Variants in LGR4 observed in about 807,000 individuals in gnomAD.
LGR4 encodes leucine-rich repeat-containing G protein-coupled receptor 4.
In LGR4, 44 loss-of-function variants were observed where a neutral mutation model predicts 84.8. The observed-to-expected ratio is 0.52, with a 90% CI of 0.41 to 0.67. The LOEUF (loss-of-function observed/expected upper bound fraction) is 0.67, where lower values mean the gene tolerates loss of function less well. Ranked by LOEUF, LGR4 falls within the 30% of genes least tolerant of loss-of-function variation. LGR4 has a pLI of 0.00. For synonymous variants in LGR4, 429 were observed against 434.3 expected, an observed-to-expected ratio of 0.99 and a Z score of 0.15; for missense variants, 1,032 against 1,131.4, an observed-to-expected ratio of 0.91 and a Z score of 1.26.
At chr11:27,463,119 G>T (rs947999601) in intron 1 of LGR4, among the ~76,000 whole-genome samples, 1 of 150,720 alleles carries the variant, frequency 6.6e-6, no homozygotes, top group South Asian at 2.1e-4. Context: ...AGGCATGGTG[G>T]CACTCACCTG....
At chr11:27,406,339 G>A (rs908842804) in intron 2 of LGR4, among the ~76,000 whole-genome samples, 1 of 152,080 alleles carries the variant, frequency 6.6e-6, no homozygotes, top group African/African-American at 2.4e-5. Flanking sequence ...ACATTGTCTA[G>A]CAAGTCCTTC....
intron 2 of LGR4, among the ~76,000 whole-genome samples, chr11:27,397,445 C>A (rs1863412515): frequency 2.0e-5 from 3 of 152,054 alleles, no homozygotes; most frequent in African/African-American, 7.2e-5. Context: ...CTTGTATGAC[C>A]CCTTACAAAG....
At chr11:27,409,554 A>G (rs1565083302) in intron 2 of LGR4, among the ~76,000 whole-genome samples, 1 of 152,042 alleles carries the variant, frequency 6.6e-6, no homozygotes, top group Non-Finnish European at 1.5e-5. Flanking sequence ...CAGGGCAAAA[A>G]CCCTAGTCTC....
At chr11:27,382,859 A>T (rs1188895622) in intron 6 of LGR4, among the ~76,000 whole-genome samples, 1 of 152,116 alleles carries the variant, frequency 6.6e-6, no homozygotes, top group African/African-American at 2.4e-5. Flanking sequence ...TCTACTAAAA[A>T]TACCAAAATT....
chr11:27,405,758 G>C (rs901059000), intron 2 of LGR4, among the ~76,000 whole-genome samples: 4 of 151,804 alleles, frequency 2.6e-5, no homozygotes, highest in Non-Finnish European at 4.4e-5. Context: ...TTTTGAATAG[G>C]TGCCCTCCTC....
intron 1 of LGR4, among the ~76,000 whole-genome samples, chr11:27,446,716 C>T (rs1246138285): frequency 6.6e-6 from 1 of 152,148 alleles, no homozygotes; most frequent in Non-Finnish European, 1.5e-5. Flanking sequence ...AATCATGTTG[C>T]TATAAAGACA....
At chr11:27,452,377 C>A (rs1025024985) in intron 1 of LGR4, among the ~76,000 whole-genome samples, 1 of 152,080 alleles carries the variant, frequency 6.6e-6, no homozygotes, top group Non-Finnish European at 1.5e-5. Flanking sequence ...TCAGCTAAAC[C>A]GGGAAATTTA....
At chr11:27,423,701 CA>C (rs1344012706) in intron 1 of LGR4, among the ~76,000 whole-genome samples, 1 of 152,208 alleles carries the variant, frequency 6.6e-6, no homozygotes, top group Non-Finnish European at 1.5e-5. Flanking sequence ...GCCATCAGAG[CA>C]TGACAATGTC....
chr11:27,419,537 C>T (rs1473902781), intron 1 of LGR4, among the ~76,000 whole-genome samples: 1 of 149,362 alleles, frequency 6.7e-6, no homozygotes, highest in African/African-American at 2.5e-5. Flanking sequence ...ATACTTATGA[C>T]TATATGACCC....
At chr11:27,451,199 C>T (rs754162698) in intron 1 of LGR4, among the ~76,000 whole-genome samples, 4 of 152,090 alleles carry the variant, frequency 2.6e-5, no homozygotes, top group Non-Finnish European at 5.9e-5. Flanking sequence ...TTTAAAGAGA[C>T]CACCAGAGAA....
chr11:27,371,590 CTG>C (rs774809118), intron 17 of LGR4, 23 bp downstream of exon 17: 2 of 1,513,306 alleles, frequency 1.3e-6, no homozygotes, highest in Non-Finnish European at 1.8e-6. Context: ...ACATGGGTAA[CTG>C]TGAAAAAATA....
intron 6 of LGR4, among the ~76,000 whole-genome samples, chr11:27,382,996 A>G (rs1863125847): frequency 6.6e-6 from 1 of 152,194 alleles, no homozygotes; most frequent in Non-Finnish European, 1.5e-5. Flanking sequence ...CAGCCTGGTG[A>G]CAAAGCGAGA....
chr11:27,453,934 T>C (rs1864528286), intron 1 of LGR4, among the ~76,000 whole-genome samples: 1 of 152,182 alleles, frequency 6.6e-6, no homozygotes, highest in African/African-American at 2.4e-5. Flanking sequence ...CTACACCCTT[T>C]TGGAATTTAG....
chr11:27,470,842 A>G (rs571942807), intron 1 of LGR4, among the ~76,000 whole-genome samples: 1 of 152,276 alleles, frequency 6.6e-6, no homozygotes, highest in South Asian at 2.1e-4. Context: ...GATGCTCACT[A>G]AAAGTCCATC....
chr11:27,375,709 A>G (rs956164200), intron 13 of LGR4, among the ~76,000 whole-genome samples: 2 of 152,202 alleles, frequency 1.3e-5, no homozygotes, highest in African/African-American at 4.8e-5. Flanking sequence ...ATAAACCAGG[A>G]AGCAGGCTGG....
chr11:27,398,769 A>G (rs968788975), intron 2 of LGR4, among the ~76,000 whole-genome samples: 2 of 152,178 alleles, frequency 1.3e-5, no homozygotes, highest in Non-Finnish European at 2.9e-5. Context: ...TTCCCTTTGC[A>G]GAGGTGGTTA....
chr11:27,380,495 C>CA (rs1863071448), intron 9 of LGR4, 145 bp downstream of exon 9: 1 of 746,390 alleles, frequency 1.3e-6, no homozygotes, highest in African/African-American at 1.8e-5. Flanking sequence ...AAAGTATTCA[C>CA]AAAAATAAGA....
chr11:27,441,971 G>A (rs1864312314), intron 1 of LGR4, among the ~76,000 whole-genome samples: 1 of 152,160 alleles, frequency 6.6e-6, no homozygotes, highest in African/African-American at 2.4e-5. Flanking sequence ...ACCACAGATG[G>A]AACAGAGATT....
chr11:27,415,748 G>A (rs1863803567), intron 1 of LGR4, among the ~76,000 whole-genome samples: 1 of 152,068 alleles, frequency 6.6e-6, no homozygotes, highest in South Asian at 2.1e-4. Flanking sequence ...GGGCAGTGGT[G>A]AGCTACAAGA....
Sources: allele counts gnomAD v4.1 joint callset (sites outside exome capture counted in the v4.1 genomes callset), GRCh38; gene constraint gnomAD v4.1.1; transcripts MANE v1.5; gene names NCBI Gene and HGNC (gene_info 2026-07-23, HGNC 2026-07-21).